The following TIAM1 variants were observed in gnomAD, a reference collection of about 807,000 sequenced individuals.
TIAM1 encodes the protein TIAM Rac1 associated GEF 1.
In TIAM1, 65 loss-of-function variants were observed where a neutral mutation model predicts 163.5. The ratio of observed to expected loss-of-function variants is 0.40; its 90% CI spans 0.33 to 0.49. The LOEUF (loss-of-function observed/expected upper bound fraction) is 0.49, where lower values mean the gene tolerates loss of function less well. Ranked by LOEUF, TIAM1 falls within the 20% of genes least tolerant of loss-of-function variation. The pLI is 0.77. For synonymous variants in TIAM1, 833 were observed against 810.1 expected (o/e 1.03, Z -0.48); for missense variants, 1,789 against 2,044.7 (o/e 0.87, Z 2.41).
At chr21:31,470,956 G>A (rs1288159101) in intron 1 of TIAM1, among the ~76,000 whole-genome samples, 1 of 152,166 alleles carries the variant, frequency 6.6e-6, no homozygotes, top group Admixed American at 6.5e-5. Context: ...CTGGGATGGT[G>A]CGTTCCTGCA....
intron 2 of TIAM1, among the ~76,000 whole-genome samples, chr21:31,364,247 G>A (rs1312571853): frequency 1.3e-5 from 2 of 152,156 alleles, no homozygotes; most frequent in East Asian, 3.9e-4. Flanking sequence ...TCAGATTTCT[G>A]TGGGCCACCA....
rs576989638 is a variant in TIAM1 at position 31,469,215 on chromosome 21, T to C, written c.-421-5180A>G. On this transcript the variant is annotated intron_variant, in intron 1 of 28. Transcript: ENST00000286827. ...TGATCTTGCCCCTCAGCCTCCCAAG[T>C]AGCTGGGACTACAGGCACACGCCAC... 4.0e-5 allele frequency among the ~76,000 whole-genome samples: 6 copies of C among 151,014 alleles called. No homozygotes were observed. The East Asian group carries it at 1.0e-3, about 25-fold the overall frequency.
chr21:31,292,658 C>A (rs1428841238), intron 2 of TIAM1, among the ~76,000 whole-genome samples: 1 of 150,694 alleles, frequency 6.6e-6, no homozygotes, highest in African/African-American at 2.5e-5. Flanking sequence ...GCATGAGCCA[C>A]CGTGCCTGGC....
intron 1 of TIAM1, among the ~76,000 whole-genome samples, chr21:31,552,092 C>T (rs1298481686): frequency 8.6e-6 from 1 of 115,926 alleles, no homozygotes; most frequent in African/African-American, 3.5e-5. Context: ...GAGGCTCACT[C>T]TGTCACCCAG....
chr21:31,328,322 A>G (rs2075563089), intron 2 of TIAM1, among the ~76,000 whole-genome samples: 1 of 152,144 alleles, frequency 6.6e-6, no homozygotes, highest in African/African-American at 2.4e-5. Context: ...TAGATCAAAA[A>G]TATTCAAAAT....
At chr21:31,553,808 C>T (rs2048776722) in intron 1 of TIAM1, among the ~76,000 whole-genome samples, 1 of 152,156 alleles carries the variant, frequency 6.6e-6, no homozygotes, top group Non-Finnish European at 1.5e-5. Context: ...ATCCCACCTT[C>T]CCTCCTGAGC....
intron 16 of TIAM1, among the ~76,000 whole-genome samples, chr21:31,158,204 C>A (rs540476954): frequency 6.6e-6 from 1 of 152,290 alleles, no homozygotes; most frequent in African/African-American, 2.4e-5. Context: ...CAGCTGTCTC[C>A]TAGGCCCAAC....
At chr21:31,315,874 G>A (rs1264306396) in intron 2 of TIAM1, among the ~76,000 whole-genome samples, 1 of 151,976 alleles carries the variant, frequency 6.6e-6, no homozygotes, top group Non-Finnish European at 1.5e-5. Flanking sequence ...CTATTCAGGA[G>A]GCTGAGGCAG....
At chr21:31,445,634 T>A (rs959658869) in intron 2 of TIAM1, among the ~76,000 whole-genome samples, 1 of 152,146 alleles carries the variant, frequency 6.6e-6, no homozygotes, top group Admixed American at 6.5e-5. Context: ...GCACTCAAAC[T>A]GCAGGCAGTA....
intron 6 of TIAM1, among the ~76,000 whole-genome samples, chr21:31,244,121 T>G (rs1363164722): frequency 1.3e-5 from 2 of 152,204 alleles, no homozygotes; most frequent in Non-Finnish European, 2.9e-5. Flanking sequence ...TTTCTGTGTT[T>G]TACATCACAG....
intron 1 of TIAM1, among the ~76,000 whole-genome samples, chr21:31,556,546 T>C (rs77830107): frequency 6.6e-6 from 1 of 152,068 alleles, no homozygotes. Flanking sequence ...TTTTTTTTTT[T>C]CAATAAAATC....
chr21:31,164,459 T>C (rs948164745), intron 16 of TIAM1, among the ~76,000 whole-genome samples: 1 of 152,184 alleles, frequency 6.6e-6, no homozygotes, highest in Non-Finnish European at 1.5e-5. Context: ...AGAACTTTCT[T>C]ACTATGTTCA....
chr21:31,184,518 T>C (rs1377471002), intron 14 of TIAM1, among the ~76,000 whole-genome samples: 1 of 152,148 alleles, frequency 6.6e-6, no homozygotes, highest in African/African-American at 2.4e-5. Flanking sequence ...CTTGCATCTG[T>C]TGAGAACAGA....
chr21:31,243,234 CAT>C (rs901439635), intron 6 of TIAM1, among the ~76,000 whole-genome samples: 1 of 138,568 alleles, frequency 7.2e-6, no homozygotes, highest in African/African-American at 2.7e-5. Context: ...ATGTATATTT[CAT>C]ATATATGTAT....
chr21:31,475,455 A>G (rs1244135839), intron 1 of TIAM1, among the ~76,000 whole-genome samples: 1 of 152,064 alleles, frequency 6.6e-6, no homozygotes, highest in Non-Finnish European at 1.5e-5. Context: ...AATTGTTGTA[A>G]GAAATGAGAC....
rs1217088014 is a variant in TIAM1, at chr21:31,481,760, A to C, written c.-421-17725T>G. Among the ~76,000 whole-genome samples the C allele has an allele frequency of 3.9e-5, 6 of 152,178 alleles. No individual in the cohort carries two copies. In the East Asian group the frequency reaches 1.2e-3, roughly 29 times the overall value. On this transcript the variant is annotated intron_variant, in intron 1 of 28. Transcript: ENST00000286827. ...ACCCTCTCTGGAAACGCCACCTCAC[A>C]GCACCAACATGTGTTCACCAACCCA...
chr21:31,370,910 C>G (rs987960079), intron 2 of TIAM1, among the ~76,000 whole-genome samples: 6 of 152,194 alleles, frequency 3.9e-5, no homozygotes, highest in African/African-American at 1.4e-4. Context: ...CTGTGCCGCC[C>G]TCTCTCAGAC....
rs1268250675 is a variant in TIAM1, at chr21:31,120,529, C to A, written c.4615G>T (p.Gly1539Cys). Residue 1539 changes from glycine (G) to cysteine (C), a missense_variant, in exon 28 of 28, where the codon GGC becomes TGC. Physicochemically the swap from Gly to Cys is radical, Grantham distance 159 (BLOSUM62 -3). This residue lies in a region of TIAM1 where 415 missense variants were observed against 439.2 expected (regional missense o/e 0.94). Coordinates refer to ENST00000541036, the MANE Select transcript of TIAM1 (RefSeq NM_001353694.2). This position sits in a 1 kb window ranked among gnomAD's most constrained non-coding sequence, Gnocchi z 4.2. ...GCGTGACTATCCAGGGTTTTCCGGC[C>A]TCTTTCCCGCTGACTGATGGAGGTG... ...QATSISQRER[G>C]RKTLDSHASR... 5 of 1,614,240 alleles carry A rather than the reference C, an allele frequency of 3.1e-6. No homozygotes were observed. Among genetic ancestry groups the A allele is most frequent in the Non-Finnish European group, 4.2e-6 (5 of 1,180,052 alleles).
chr21:31,124,182 ACT>A (rs1344102705), intron 27 of TIAM1: 5 of 222,528 alleles, frequency 2.2e-5, no homozygotes, highest in Non-Finnish European at 4.3e-5. Flanking sequence ...CAAAGCAGCG[ACT>A]CTCATTCTGC....
Sources: allele counts gnomAD v4.1 joint callset (sites outside exome capture counted in the v4.1 genomes callset), GRCh38; gene constraint gnomAD v4.1.1; regional missense constraint gnomAD v4.1.1; non-coding constraint Gnocchi (gnomAD v3.1); transcripts MANE v1.5; gene names NCBI Gene and HGNC (gene_info 2026-07-23, HGNC 2026-07-21).